Variants in LHPP observed in about 807,000 individuals in gnomAD.
LHPP encodes the protein phospholysine phosphohistidine inorganic pyrophosphate phosphatase.
Under a neutral mutation model 30.3 loss-of-function variants are expected in LHPP, and 24 were observed. The observed-to-expected ratio is 0.79, with a 90% CI of 0.57 to 1.11. The LOEUF is 1.11. Among genes scored for constraint, LHPP ranks in the 50% most tolerant of loss-of-function variants. LHPP has a pLI of 0.00. For synonymous variants in LHPP, 150 were observed against 157.1 expected, an observed-to-expected ratio of 0.95 and a Z score of 0.34; for missense variants, 356 against 367.2, an observed-to-expected ratio of 0.97 and a Z score of 0.25.
intron 1 of LHPP, among the ~76,000 whole-genome samples, chr10:124,464,540 G>A (rs1467620765): frequency 2.0e-5 from 3 of 152,186 alleles, no homozygotes; most frequent in Non-Finnish European, 4.4e-5. Context: ...TGGGTCCTGG[G>A]TCTGCTCTCA....
At chr10:124,481,952 G>A (rs1953150557) in intron 1 of LHPP, among the ~76,000 whole-genome samples, 1 of 152,232 alleles carries the variant, frequency 6.6e-6, no homozygotes, top group Non-Finnish European at 1.5e-5. Context: ...GAGAGCTCCA[G>A]GAGTGCTGAT....
At chr10:124,464,557 G>T (rs1282776934) in intron 1 of LHPP, among the ~76,000 whole-genome samples, 2 of 152,184 alleles carry the variant, frequency 1.3e-5, no homozygotes, top group African/African-American at 4.8e-5. Context: ...CTCAGTGTTG[G>T]CTGAAGTTCA....
Position 124,510,448 on chromosome 10 carries a change from G to A in LHPP, c.625-6732G>A, listed in dbSNP as rs535985677. On this transcript the variant is annotated intron_variant, in intron 5 of 6. Coordinates refer to ENST00000368842, the MANE Select transcript of LHPP (RefSeq NM_022126.4). The surrounding 1 kb of genome is among the most constrained non-coding windows in gnomAD (Gnocchi z 4.0). ...CCGCCTCCCTCGCCGACAGCTTCCC[G>A]GGGCTCTGCCTGGAGGCAGCCTCGC... Among the ~76,000 whole-genome samples the A allele has an allele frequency of 2.0e-5, 3 of 152,100 alleles. No homozygotes were observed. The highest frequency in any genetic ancestry group is 4.4e-5 in the Non-Finnish European group (3 of 67,998).
intron 6 of LHPP, among the ~76,000 whole-genome samples, chr10:124,600,588 G>A (rs1473459136): frequency 6.6e-6 from 1 of 152,238 alleles, no homozygotes; most frequent in African/African-American, 2.4e-5. Flanking sequence ...CACGCAGTGG[G>A]GCCTCCCCGG....
At chr10:124,540,851 G>A (rs1354469839) in intron 6 of LHPP, among the ~76,000 whole-genome samples, 1 of 152,186 alleles carries the variant, frequency 6.6e-6, no homozygotes, top group Non-Finnish European at 1.5e-5. Flanking sequence ...CCCGGGAGTT[G>A]GATCCAGAGG....
chr10:124,602,412 GC>G (rs1276661898), intron 6 of LHPP, among the ~76,000 whole-genome samples: 1 of 152,248 alleles, frequency 6.6e-6, no homozygotes, highest in Non-Finnish European at 1.5e-5. Flanking sequence ...AAGTCTGCTA[GC>G]TAGAGGAGCC....
chr10:124,551,467 G>A lies in LHPP; in HGVS notation c.716+34196G>A, dbSNP rs76544775. On this transcript the variant is annotated intron_variant, in intron 6 of 6. Transcript: ENST00000368842. ...TGCCTGCTCTGCAGGGTGGGGGCGG[G>A]GGGGCAGAGCCTGCCAGCCCCTCCC... Among the ~76,000 whole-genome samples the A allele has an allele frequency of 5.8e-3, 890 of 152,308 alleles. 14 individuals carry two copies. Among genetic ancestry groups the A allele is most frequent in the African/African-American group, 0.02 (825 of 41,580 alleles).
intron 6 of LHPP, among the ~76,000 whole-genome samples, chr10:124,571,742 G>T (rs1948587175): frequency 6.6e-6 from 1 of 152,108 alleles, no homozygotes; most frequent in Non-Finnish European, 1.5e-5. Context: ...CACCCTGCCA[G>T]CACCACGCTG....
chr10:124,488,905 AAGG>A (rs570392847), intron 3 of LHPP, among the ~76,000 whole-genome samples: 23 of 152,242 alleles, frequency 1.5e-4, no homozygotes, highest in Non-Finnish European at 2.9e-4. Context: ...TAGAGCAAAG[AAGG>A]AGAAGGTGCA....
intron 6 of LHPP, among the ~76,000 whole-genome samples, chr10:124,539,986 C>T (rs1278247729): frequency 2.6e-5 from 4 of 152,162 alleles, no homozygotes; most frequent in South Asian, 2.1e-4. Flanking sequence ...AAGCACTCAC[C>T]GCACTTCCTG....
At chr10:124,608,708 C>T (rs1949127633) in intron 6 of LHPP, among the ~76,000 whole-genome samples, 1 of 152,250 alleles carries the variant, frequency 6.6e-6, no homozygotes, top group South Asian at 2.1e-4. Context: ...ACCCCACCCA[C>T]CTGCCTACCC....
chr10:124,560,512 C>A (rs2133969974), intron 6 of LHPP, among the ~76,000 whole-genome samples: 1 of 152,348 alleles, frequency 6.6e-6, no homozygotes, highest in East Asian at 1.9e-4. Context: ...TCTAAAAATA[C>A]CCTCCTCGTT....
At chr10:124,613,076 G>A in intron 6 of LHPP, 188 bp from the exon 7 acceptor site, 1 of 613,864 alleles carries the variant, frequency 1.6e-6, no homozygotes, top group Non-Finnish European at 2.9e-6. Flanking sequence ...CAGTCAGGAG[G>A]GGCCATGTGT....
chr10:124,528,298 A>G (rs768120490), intron 6 of LHPP, among the ~76,000 whole-genome samples: 10 of 152,218 alleles, frequency 6.6e-5, no homozygotes, highest in Admixed American at 1.3e-4. Flanking sequence ...GGTCCACCAC[A>G]TGGTCATGGT....
At chr10:124,483,181 C>T (rs555015917) in intron 1 of LHPP, among the ~76,000 whole-genome samples, 10 of 152,312 alleles carry the variant, frequency 6.6e-5, no homozygotes, top group South Asian at 4.1e-4. Flanking sequence ...GCAGGGTCCA[C>T]GTCCTGTCTG....
chr10:124,531,113 C>G (rs1052543306), intron 6 of LHPP, among the ~76,000 whole-genome samples: 2 of 152,202 alleles, frequency 1.3e-5, no homozygotes, highest in Non-Finnish European at 2.9e-5. Flanking sequence ...ACCTGTCCCA[C>G]CACCTCTTCT....
intron 6 of LHPP, among the ~76,000 whole-genome samples, chr10:124,522,078 A>T (rs1954624883): frequency 6.6e-6 from 1 of 152,188 alleles, no homozygotes; most frequent in African/African-American, 2.4e-5. Context: ...TTAGCTCTGG[A>T]GGGAAAGTTT....
At chr10:124,573,295 T>C (rs1175168346) in intron 6 of LHPP, among the ~76,000 whole-genome samples, 10 of 152,344 alleles carry the variant, frequency 6.6e-5, no homozygotes, top group Middle Eastern at 3.4e-3. Flanking sequence ...GTACCCACAC[T>C]ATTCATGAGA....
chr10:124,596,629 C>T lies in LHPP; in HGVS notation c.717-16635C>T, dbSNP rs529350753. Among the ~76,000 whole-genome samples, 2 of 152,282 alleles carry T rather than the reference C, an allele frequency of 1.3e-5. No homozygotes were observed. Among genetic ancestry groups the T allele is most frequent in the African/African-American group, 4.8e-5 (2 of 41,552 alleles). On this transcript the variant is annotated intron_variant, in intron 6 of 6. Transcript: ENST00000368842. The surrounding 1 kb of genome is among the most constrained non-coding windows in gnomAD (Gnocchi z 4.6). ...CTTTTCTTGGAACAAGAGCCCTAAA[C>T]GTGGGACCCTAAACAACACCCAGGG...
Sources: gnomAD v4.1 joint callset for allele counts (sites outside exome capture counted in the v4.1 genomes callset) on GRCh38, gnomAD v4.1.1 for gene constraint, Gnocchi (gnomAD v3.1) non-coding constraint, MANE v1.5 for transcripts, NCBI Gene and HGNC (gene_info 2026-07-23, HGNC 2026-07-21) for gene names.